Variants in RAD50 observed in about 807,000 individuals in gnomAD.
RAD50 encodes the protein DNA repair protein RAD50.
RAD50 carries 132 observed loss-of-function variants against 168.8 expected under a neutral mutation model. The ratio of observed to expected loss-of-function variants is 0.78; its 90% CI spans 0.68 to 0.90. The LOEUF (loss-of-function observed/expected upper bound fraction) is 0.90, where lower values mean the gene tolerates loss of function less well. RAD50 is among the 40% of genes least tolerant of loss of function. RAD50 has a pLI of 0.00. For synonymous variants in RAD50, 525 were observed against 497.4 expected (o/e 1.06, Z -0.74); for missense variants, 1,347 against 1,534.4 (o/e 0.88, Z 2.04).
chr5:132,594,320 T>C (rs955491319), intron 11 of RAD50, among the ~76,000 whole-genome samples: 4 of 152,182 alleles, frequency 2.6e-5, no homozygotes, highest in African/African-American at 9.7e-5. Flanking sequence ...AACCATGTTA[T>C]GTGTGAGTAT....
At chr5:132,594,007 A>G (rs1750747227) in intron 11 of RAD50, among the ~76,000 whole-genome samples, 1 of 152,194 alleles carries the variant, frequency 6.6e-6, no homozygotes, top group Non-Finnish European at 1.5e-5. Context: ...TGAAGACTGT[A>G]CTTGGCACTT....
At position 132,580,018 on chromosome 5, in the gene RAD50, T is replaced by G. The variant is rs2149838034; in HGVS notation, c.708T>G (p.Ser236=). 1 of 1,613,596 alleles carries G rather than the reference T, an allele frequency of 6.2e-7. No individual in the cohort carries two copies. The highest frequency in any genetic ancestry group is 8.5e-7 in the Non-Finnish European group (1 of 1,179,618). ...CAAGTAAGGAAGCCCAGTTAACATC[T>G]TCAAAGGAAATTGTCAAATCCTATG... The part of the protein sequence containing the change: ...QITSKEAQLT[S]SKEIVKSYEN... The change falls in exon 5 of 25, where the codon TCT becomes TCG. Residue 236 remains serine (S), a synonymous_variant. Coordinates refer to ENST00000378823, the MANE Select transcript of RAD50 (RefSeq NM_005732.4).
intron 19 of RAD50, among the ~76,000 whole-genome samples, chr5:132,615,143 T>C (rs1167200845): frequency 1.3e-5 from 2 of 152,230 alleles, no homozygotes; most frequent in South Asian, 4.1e-4. Context: ...AAATTTTTTT[T>C]CCTCTAAATT....
intron 9 of RAD50, 114 bp downstream of exon 9, chr5:132,589,951 TATTCTC>T: frequency 4.1e-6 from 4 of 977,946 alleles, no homozygotes; most frequent in Non-Finnish European, 6.1e-6. Context: ...AACTTTGTCT[TATTCTC>T]ATGTAAAATG....
chr5:132,603,096 T>A (rs984033047), intron 13 of RAD50, among the ~76,000 whole-genome samples: 1 of 152,198 alleles, frequency 6.6e-6, no homozygotes, highest in African/African-American at 2.4e-5. Context: ...TGGAGAAACC[T>A]GGCCAACACC....
At chr5:132,579,201 A>G in intron 3 of RAD50, 116 bp from the exon 4 acceptor site, 1 of 1,038,138 alleles carries the variant, frequency 9.6e-7, no homozygotes, top group Non-Finnish European at 1.4e-6. Context: ...CTAACGGGAT[A>G]GGTGAAGGGC....
At chr5:132,572,166 A>G (rs1381622618) in intron 2 of RAD50, among the ~76,000 whole-genome samples, 1 of 152,216 alleles carries the variant, frequency 6.6e-6, no homozygotes, top group African/African-American at 2.4e-5. Flanking sequence ...AAAGCTTTTC[A>G]ATTTAATACT....
Position 132,587,577 on chromosome 5 carries a change from A to G in RAD50, c.772A>G (p.Ile258Val), listed in dbSNP as rs1060501937. 1 of 1,613,120 alleles carries G rather than the reference A, an allele frequency of 6.2e-7. No individual in the cohort carries two copies. The highest frequency in any genetic ancestry group is 8.5e-7 in the Non-Finnish European group (1 of 1,179,646). Residue 258 changes from isoleucine to valine, a missense_variant, in exon 6 of 25, where the codon ATT (isoleucine) becomes GTT (valine). Physicochemically the swap from Ile to Val is conservative, Grantham distance 29. This residue lies in a region of RAD50 where 703 missense variants were observed against 767.7 expected (regional missense o/e 0.92). Coordinates refer to ENST00000378823, the MANE Select transcript of RAD50 (RefSeq NM_005732.4). ...LDPLKNRLKE[I>V]EHNLSKIMKL... ...TTATTTTCAGAATCGTCTAAAAGAA[A>G]TTGAACATAATCTCTCTAAAATAAT... is the stretch of plus-strand genomic sequence containing the variant.
rs117081789 is a variant in RAD50 at position 132,587,701 on chromosome 5, G to A, written c.885+11G>A. ...GAGAAAATGGAAAAGGTTTGTGGTG[G>A]TAGAATTTTGTTCTGCTTCAAAATT... On this transcript the variant is annotated intron_variant, in intron 6 of 24. Coordinates refer to ENST00000378823, the MANE Select transcript of RAD50 (RefSeq NM_005732.4). 1,663 of 1,613,430 alleles carry A rather than the reference G, an allele frequency of 1.0e-3. 32 individuals carry two copies. In the East Asian group the frequency reaches 0.032, roughly 31 times the overall value.
At chr5:132,603,603 C>A in intron 14 of RAD50, 114 bp downstream of exon 14, 2 of 1,200,200 alleles carry the variant, frequency 1.7e-6, no homozygotes, top group Non-Finnish European at 2.4e-6. Context: ...GTTTAGAATT[C>A]CCCATCCTGA....
chr5:132,605,533 C>G (rs1014329947), intron 16 of RAD50, among the ~76,000 whole-genome samples: 2 of 152,058 alleles, frequency 1.3e-5, no homozygotes, highest in Non-Finnish European at 2.9e-5. Context: ...TTTCTAGAGA[C>G]AGGGTCTCAC....
intron 19 of RAD50, 138 bp downstream of exon 19, chr5:132,609,534 C>A: frequency 7.1e-7 from 1 of 1,400,826 alleles, no homozygotes; most frequent in Non-Finnish European, 9.6e-7. Flanking sequence ...GTAATCCCTG[C>A]ACTTTGGAAG....
rs766044158 is a variant in RAD50, at chr5:132,642,333, G to C, written c.3908G>C (p.Ser1303Thr). 1 of 1,614,014 alleles carries C rather than the reference G, an allele frequency of 6.2e-7. No individual in the cohort carries two copies. The highest frequency in any genetic ancestry group is 8.5e-7 in the Non-Finnish European group (1 of 1,179,942). ...IDQCSEIVKC[S>T]VSSLGFNVH Reference sequence around the variant, plus strand: ...CAGTGCTCAGAGATTGTGAAATGCAGTGTTAGCTCCCTGGGATTCAATGTT... The same window carrying C: ...CAGTGCTCAGAGATTGTGAAATGCACTGTTAGCTCCCTGGGATTCAATGTT... The change falls in exon 25 of 25, where the codon AGT becomes ACT. Residue 1303 changes from serine to threonine, a missense_variant. Coordinates refer to ENST00000378823, the MANE Select transcript of RAD50 (RefSeq NM_005732.4).
In RAD50 at chr5:132,613,617, T is replaced by TTTTA. The variant is rs1349962133; in HGVS notation, c.3037-2386_3037-2385insTTTA. 8.6e-4 allele frequency among the ~76,000 whole-genome samples: 128 copies of TTTTA among 148,542 alleles called. 1 individual carries two copies. The highest frequency in any genetic ancestry group is 3.1e-3 in the African/African-American group (125 of 40,140). On this transcript the variant is annotated intron_variant, in intron 19 of 24. Coordinates refer to ENST00000378823, the MANE Select transcript of RAD50 (RefSeq NM_005732.4). ...GTCTTTTTTTTTTTTTTTTTTTTTTTAAATTAGATGGAGTCTTGCTCTCTC... is the reference window on the plus strand; with the variant it reads ...GTCTTTTTTTTTTTTTTTTTTTTTTTTTTAAAATTAGATGGAGTCTTGCTCTCTC...
chr5:132,607,683 C>T (rs1469585814), intron 16 of RAD50, among the ~76,000 whole-genome samples: 5 of 152,154 alleles, frequency 3.3e-5, no homozygotes. Context: ...ATGATGAAAT[C>T]TCTTTATAGA....
chr5:132,590,820 T>C (rs1455276180), intron 9 of RAD50, among the ~76,000 whole-genome samples: 1 of 152,224 alleles, frequency 6.6e-6, no homozygotes, highest in Non-Finnish European at 1.5e-5. Flanking sequence ...GGTGGGGAGA[T>C]ACTTGGTCAG....
chr5:132,599,308 G>A (rs1390713027), intron 13 of RAD50, among the ~76,000 whole-genome samples: 2 of 151,558 alleles, frequency 1.3e-5, no homozygotes, highest in Non-Finnish European at 2.9e-5. Context: ...GAGGACACAT[G>A]TGTGAGGAAA....
In RAD50 at chr5:132,603,956, C is replaced by T; in HGVS notation, c.2434C>T (p.Gln812Ter). The change falls in exon 15 of 25, where the codon CAA becomes TAA. Residue 812 changes from glutamine to a stop codon, truncating the protein, a stop_gained. Coordinates refer to ENST00000378823, the MANE Select transcript of RAD50 (RefSeq NM_005732.4). LOFTEE classifies it high-confidence loss of function. ...LKDVERKIAQ[Q>*]AAKLQGIDLD... The stretch of plus-strand genomic sequence containing the variant: ...AGATGTTGAAAGAAAAATTGCACAA[C>T]AAGCAGCTAAGCTACAAGGAATAGA... 2 of 1,611,238 alleles carry T rather than the reference C, an allele frequency of 1.2e-6. No homozygotes were observed. Among genetic ancestry groups the T allele is most frequent in the Non-Finnish European group, 1.7e-6 (2 of 1,177,518 alleles).
At chr5:132,591,509 A>G (rs763042367) in intron 10 of RAD50, 103 bp downstream of exon 10, 4 of 1,178,746 alleles carry the variant, frequency 3.4e-6, no homozygotes, top group Non-Finnish European at 4.9e-6. Context: ...GGTATTGACT[A>G]TATTTTAGAG....
Sources: gnomAD v4.1 joint callset for allele counts (sites outside exome capture counted in the v4.1 genomes callset) on GRCh38, gnomAD v4.1.1 for gene constraint, gnomAD v4.1.1 regional missense constraint, MANE v1.5 for transcripts, NCBI Gene and HGNC (gene_info 2026-07-23, HGNC 2026-07-21) for gene names.